ZNF175: variants seen among roughly 807,000 people sequenced by gnomAD.
The protein encoded by ZNF175 is zinc finger protein 175, also known as zinc finger protein OTK18.
In ZNF175, 8 loss-of-function variants were observed where a neutral mutation model predicts 14.0. The ratio of observed to expected loss-of-function variants is 0.57; its 90% CI spans 0.34 to 1.03. The LOEUF is 1.03. ZNF175 is among the 50% of genes least tolerant of loss of function. The pLI is 0.03. For missense variants in ZNF175, 764 were observed against 849.5 expected, an observed-to-expected ratio of 0.90 and a Z score of 1.25; for synonymous variants, 255 against 296.8, an observed-to-expected ratio of 0.86 and a Z score of 1.45.
At position 51,588,919 on chromosome 19, in the gene ZNF175, T is replaced by C. The variant is rs1982266880; in HGVS notation, c.*452T>C. 2.6e-6 allele frequency: 1 copy of C among 391,816 alleles called. No homozygotes were observed. Among genetic ancestry groups the C allele is most frequent in the African/African-American group, 2.1e-5 (1 of 48,426 alleles). 24.3% of individuals were successfully genotyped at this position (391,816 alleles called of 1,614,324 possible). ...ATATTTTATGTGTGTGTGTGCGCCTTATGTATATAAGCATATATATAATAT... is the reference window on the plus strand; with the variant it reads ...ATATTTTATGTGTGTGTGTGCGCCTCATGTATATAAGCATATATATAATAT... On this transcript the variant is annotated 3_prime_UTR_variant, in exon 5 of 5. Coordinates refer to ENST00000262259, the MANE Select transcript of ZNF175 (RefSeq NM_007147.4).
At position 51,587,299 on chromosome 19, in the gene ZNF175, G is replaced by T. The variant is rs1173910938; in HGVS notation, c.968G>T (p.Ser323Ile). ...GCCTTCATGCCACAACTAAAACTCA[G>T]TGTATATCTGACAGATCATACAGGT... ...GKAFMPQLKL[S>I]VYLTDHTGDI... Residue 323 changes from serine (S) to isoleucine (I), a missense_variant, in exon 5 of 5, where the codon AGT becomes ATT. Physicochemically the swap from Ser to Ile is moderately radical, Grantham distance 142. Coordinates refer to ENST00000262259, the MANE Select transcript of ZNF175 (RefSeq NM_007147.4). 3 of 1,614,180 alleles carry T rather than the reference G, an allele frequency of 1.9e-6. No individual in the cohort carries two copies. The South Asian group carries it at 3.3e-5, about 18-fold the overall frequency.
chr19:51,578,703 G>C (rs549122549), intron 2 of ZNF175, among the ~76,000 whole-genome samples: 16 of 152,308 alleles, frequency 1.1e-4, no homozygotes, highest in Admixed American at 5.2e-4. Context: ...GGAGGTCGAG[G>C]CTGCAGTGAG....
Position 51,588,951 on chromosome 19 carries a change from ATATTAT to A in ZNF175, c.*488_*493del. 2 of 364,448 alleles carry A rather than the reference ATATTAT, an allele frequency of 5.5e-6. No individual in the cohort carries two copies. The highest frequency in any genetic ancestry group is 9.7e-6 in the Non-Finnish European group (2 of 206,604). 22.6% of individuals were successfully genotyped at this position (364,448 alleles called of 1,614,324 possible). A position where few individuals can be genotyped will look rare whatever the true frequency, so the allele number is the denominator to read the frequency against. On this transcript the variant is annotated 3_prime_UTR_variant, in exon 5 of 5. Transcript: ENST00000262259. ...ATAAGCATATATATAATATATAAGC[ATATTAT>A]TATATACAGGTTGAGTATCCCTTCT...
intron 2 of ZNF175, among the ~76,000 whole-genome samples, chr19:51,577,729 T>C (rs1175427491): frequency 6.1e-5 from 9 of 148,382 alleles, no homozygotes; most frequent in Non-Finnish European, 1.0e-4. Flanking sequence ...AGTGGCACGA[T>C]CTTGGCTCAC....
At chr19:51,583,081 C>G (rs370169244) in intron 4 of ZNF175, among the ~76,000 whole-genome samples, 1 of 152,152 alleles carries the variant, frequency 6.6e-6, no homozygotes, top group African/African-American at 2.4e-5. Flanking sequence ...TCTCGAACTC[C>G]CGACCTCAGG....
Position 51,581,453 on chromosome 19 carries a change from C to A in ZNF175, c.135C>A (p.Asp45Glu). 6.2e-7 allele frequency: 1 copy of A among 1,614,144 alleles called. No homozygotes were observed. The highest frequency in any genetic ancestry group is 8.5e-7 in the Non-Finnish European group (1 of 1,180,030). The change falls in exon 3 of 5, where the codon GAC (aspartate) becomes GAA (glutamate). Residue 45 changes from aspartate (D) to glutamate (E), a missense_variant. Coordinates refer to ENST00000262259, the MANE Select transcript of ZNF175 (RefSeq NM_007147.4). ...DFSREEWQQL[D>E]PAQRCLYRDV... Reference sequence around the variant, plus strand: ...GCAGGGAGGAGTGGCAGCAACTGGACCCTGCCCAGAGATGCCTGTACCGGG... The same window carrying A: ...GCAGGGAGGAGTGGCAGCAACTGGAACCTGCCCAGAGATGCCTGTACCGGG...
intron 2 of ZNF175, 160 bp from the exon 3 acceptor site, chr19:51,581,231 A>T: frequency 1.0e-6 from 1 of 987,676 alleles, no homozygotes; most frequent in South Asian, 1.7e-5. Context: ...TATTTCTCTT[A>T]TTTTTTTTTA....
Position 51,591,985 on chromosome 19 carries a change from G to GAA in ZNF175, c.*3518_*3519insAA, listed in dbSNP as rs1568579965. Reference sequence around the variant, plus strand: ...GGGTTTCACCGTGTTGGCCAGGATGGTCTCGATCTCCTGACCTCGTGATCC... The same window carrying GAA: ...GGGTTTCACCGTGTTGGCCAGGATGGAATCTCGATCTCCTGACCTCGTGATCC... On this transcript the variant is annotated 3_prime_UTR_variant, in exon 5 of 5. Coordinates refer to ENST00000262259, the MANE Select transcript of ZNF175 (RefSeq NM_007147.4). The GAA allele has an allele frequency of 3.3e-5, 5 of 151,404 alleles. No individual in the cohort carries two copies. Among genetic ancestry groups the GAA allele is most frequent in the Non-Finnish European group, 4.4e-5 (3 of 67,806 alleles). 9.4% of individuals were successfully genotyped at this position (151,404 alleles called of 1,614,324 possible). A position where few individuals can be genotyped will look rare whatever the true frequency, so the allele number is the denominator to read the frequency against.
At position 51,586,776 on chromosome 19, in the gene ZNF175, G is replaced by A. The variant is rs1982176898; in HGVS notation, c.445G>A (p.Glu149Lys). ...RLDADRTKKD[E>K]QNQIQPMSHS... is the part of the protein sequence containing the mutation. Reference sequence around the variant, plus strand: ...GGATGCTGACCGCACAAAGAAAGATGAGCAAAATCAAATTCAACCCATGAG... The same window carrying A: ...GGATGCTGACCGCACAAAGAAAGATAAGCAAAATCAAATTCAACCCATGAG... Residue 149 changes from glutamate to lysine, a missense_variant, in exon 5 of 5, where the codon GAG (glutamate) becomes AAG (lysine). By Grantham distance (56) the Glu-to-Lys change is moderately conservative. Coordinates refer to ENST00000262259, the MANE Select transcript of ZNF175 (RefSeq NM_007147.4). 4.3e-6 allele frequency: 7 copies of A among 1,614,048 alleles called. No homozygotes were observed. Among genetic ancestry groups the A allele is most frequent in the Non-Finnish European group, 5.9e-6 (7 of 1,180,024 alleles).
intron 1 of ZNF175, among the ~76,000 whole-genome samples, chr19:51,572,154 T>C (rs1457191500): frequency 6.6e-6 from 1 of 152,184 alleles, no homozygotes; most frequent in Non-Finnish European, 1.5e-5. Context: ...ATTTGTCGTT[T>C]TATGGAAACC....
At chr19:51,583,816 T>G (rs1276385505) in intron 4 of ZNF175, among the ~76,000 whole-genome samples, 1 of 152,218 alleles carries the variant, frequency 6.6e-6, no homozygotes, top group Non-Finnish European at 1.5e-5. Context: ...CTCCATTGTT[T>G]TTGTATGTTG....
chr19:51,587,159 G>T lies in ZNF175; in HGVS notation c.828G>T (p.Lys276Asn). ...SLKQHQIHTQ[K>N]KPDGCSECGG... is the part of the protein sequence containing the mutation. ...AGCAACATCAAATTCATACTCAGAAGAAACCAGATGGATGTTCTGAATGTG... is the reference window on the plus strand; with the variant it reads ...AGCAACATCAAATTCATACTCAGAATAAACCAGATGGATGTTCTGAATGTG... The change falls in exon 5 of 5, where the codon AAG becomes AAT. Residue 276 changes from lysine (K) to asparagine (N), a missense_variant. Transcript: ENST00000262259. 6.2e-7 allele frequency: 1 copy of T among 1,614,184 alleles called. No individual in the cohort carries two copies. Among genetic ancestry groups the T allele is most frequent in the Non-Finnish European group, 8.5e-7 (1 of 1,180,012 alleles).
Position 51,581,852 on chromosome 19 carries a change from G to A in ZNF175, c.265G>A (p.Glu89Lys), listed in dbSNP as rs1982016902. The A allele has an allele frequency of 2.5e-6, 4 of 1,613,876 alleles. No individual in the cohort carries two copies. The highest frequency in any genetic ancestry group is 2.5e-6 in the Non-Finnish European group (3 of 1,179,840). ...MLKEKEPRVEEAEVSHQRCQE... is the reference protein window; with the variant it reads ...MLKEKEPRVEKAEVSHQRCQE... Reference sequence around the variant, plus strand: ...AAAAGAAAAGGAGCCGCGTGTGGAGGAGGCTGAAGTCTCACATCAGAGGTG... The same window carrying A: ...AAAAGAAAAGGAGCCGCGTGTGGAGAAGGCTGAAGTCTCACATCAGAGGTG... The change falls in exon 4 of 5, where the codon GAG (glutamate) becomes AAG (lysine). Residue 89 changes from glutamate (E) to lysine (K), a missense_variant. Physicochemically the swap from Glu to Lys is moderately conservative, Grantham distance 56. Coordinates refer to ENST00000262259, the MANE Select transcript of ZNF175 (RefSeq NM_007147.4).
intron 2 of ZNF175, among the ~76,000 whole-genome samples, chr19:51,577,721 T>C (rs1262737144): frequency 6.7e-6 from 1 of 148,250 alleles, no homozygotes; most frequent in Non-Finnish European, 1.5e-5. Flanking sequence ...TGGAGTGCAG[T>C]GGCACGATCT....
rs547264718 is a variant in ZNF175 at position 51,581,898 on chromosome 19, C to G, written c.295+16C>G. ...AGGTGTCAAGGTGAGTAAGTTGTAC[C>G]CGGGCAAATGTAGATATCTTTGCAG... is the stretch of plus-strand genomic sequence containing the variant. On this transcript the variant is annotated intron_variant, in intron 4 of 4. Coordinates refer to ENST00000262259, the MANE Select transcript of ZNF175 (RefSeq NM_007147.4). The G allele has an allele frequency of 6.2e-7, 1 of 1,608,190 alleles. No individual in the cohort carries two copies. Among genetic ancestry groups the G allele is most frequent in the South Asian group, 1.1e-5 (1 of 90,520 alleles).
intron 1 of ZNF175, among the ~76,000 whole-genome samples, chr19:51,571,841 CTG>C (rs1234980545): frequency 6.6e-6 from 1 of 152,152 alleles, no homozygotes; most frequent in Non-Finnish European, 1.5e-5. Flanking sequence ...GAGGATCACA[CTG>C]TAACACTCTC....
At position 51,581,403 on chromosome 19, in the gene ZNF175, T is replaced by C. The variant is rs756129452; in HGVS notation, c.85T>C (p.Phe29Leu). 1 of 1,614,124 alleles carries C rather than the reference T, an allele frequency of 6.2e-7. No individual in the cohort carries two copies. Among genetic ancestry groups the C allele is most frequent in the East Asian group, 2.2e-5 (1 of 44,882 alleles). ...TACACTGTTACAGGCATCAGTGTCATTTGAGGACGTGACCGTGGACTTCAG... is the reference window on the plus strand; with the variant it reads ...TACACTGTTACAGGCATCAGTGTCACTTGAGGACGTGACCGTGGACTTCAG... ...QDGSCEASVS[F>L]EDVTVDFSRE... is the part of the protein sequence containing the mutation. The change falls in exon 3 of 5, where the codon TTT (phenylalanine) becomes CTT (leucine). Residue 29 changes from phenylalanine to leucine, a missense_variant. Phe to Leu is a conservative substitution (Grantham distance 22, BLOSUM62 0). Transcript: ENST00000262259.
rs76206174 is a variant in ZNF175, at chr19:51,584,143, A to G, written c.295+2261A>G. Among the ~76,000 whole-genome samples, 599 of 152,336 alleles carry G rather than the reference A, an allele frequency of 3.9e-3. 28 individuals carry two copies. The East Asian group carries it at 0.079, about 20-fold the overall frequency. ...TAGCCTTTGTGCATCAATCATGTCT[A>G]TTTCATGGAAGGCTACTCAAAAAGT... is the stretch of plus-strand genomic sequence containing the variant. On this transcript the variant is annotated intron_variant, in intron 4 of 4. Coordinates refer to ENST00000262259, the MANE Select transcript of ZNF175 (RefSeq NM_007147.4).
chr19:51,589,920 A>G lies in ZNF175; in HGVS notation c.*1453A>G, dbSNP rs1982302860. ...ATACACACATATTACTATGTTCATC[A>G]TCATATACCTGTGTAAGTACTCTTT... On this transcript the variant is annotated 3_prime_UTR_variant, in exon 5 of 5. Transcript: ENST00000262259. 15 of 343,460 alleles carry G rather than the reference A, an allele frequency of 4.4e-5. No individual in the cohort carries two copies. In the East Asian group the frequency reaches 7.4e-4, roughly 17 times the overall value. 21.3% of individuals were successfully genotyped at this position (343,460 alleles called of 1,614,324 possible).
Sources: gnomAD v4.1 joint callset for allele counts (sites outside exome capture counted in the v4.1 genomes callset) on GRCh38, gnomAD v4.1.1 for gene constraint, MANE v1.5 for transcripts, NCBI Gene and HGNC (gene_info 2026-07-23, HGNC 2026-07-21) for gene names.